SYT7: variants seen among roughly 807,000 people sequenced by gnomAD.
The protein encoded by SYT7 is synaptotagmin-7.
Under a neutral mutation model 75.1 loss-of-function variants are expected in SYT7, and 29 were observed. That is an observed-to-expected ratio of 0.39 (90% CI 0.29 to 0.53). The LOEUF (loss-of-function observed/expected upper bound fraction) is 0.53. Among genes scored for constraint, SYT7 ranks in the 20% least tolerant of loss-of-function variants. The pLI, the probability that SYT7 is intolerant of heterozygous loss-of-function variation, is 0.77. For synonymous variants in SYT7, 376 were observed against 401.7 expected (o/e 0.94, Z 0.76); for missense variants, 693 against 953.2 (o/e 0.73, Z 3.59).
At position 61,571,440 on chromosome 11, in the gene SYT7, C is replaced by T. The variant is rs1033443634; in HGVS notation, c.31+9350G>A. ...ACACACACACATATACACGTGTTCC[C>T]GTCTCTGAGCAGTGGTTGACTTGTG... On this transcript the variant is annotated intron_variant, in intron 1 of 12. Coordinates refer to ENST00000539008, the MANE Select transcript of SYT7 (RefSeq NM_001365809.2). Among the ~76,000 whole-genome samples the T allele has an allele frequency of 4.6e-5, 7 of 152,348 alleles. No homozygotes were observed. In the South Asian group the frequency reaches 8.3e-4, roughly 18 times the overall value.
At chr11:61,543,910 C>A (rs1428156074) in intron 5 of SYT7, among the ~76,000 whole-genome samples, 4 of 152,208 alleles carry the variant, frequency 2.6e-5, no homozygotes, top group Admixed American at 2.6e-4. Context: ...GGGTTCCAAT[C>A]TTCTCCTCCT....
chr11:61,529,752 A>T (rs973378006), intron 8 of SYT7, among the ~76,000 whole-genome samples: 1 of 152,180 alleles, frequency 6.6e-6, no homozygotes, highest in Admixed American at 6.5e-5. Flanking sequence ...TTCATGCCTC[A>T]GCCTCCTGAG....
chr11:61,524,017 C>T lies in SYT7; in HGVS notation c.1642-76G>A, dbSNP rs1565164680. 1 of 1,323,964 alleles carries T rather than the reference C, an allele frequency of 7.6e-7. No homozygotes were observed. Among genetic ancestry groups the T allele is most frequent in the East Asian group, 2.3e-5 (1 of 43,474 alleles). 82.0% of individuals were successfully genotyped at this position (1,323,964 alleles called of 1,614,324 possible). Reference sequence around the variant, plus strand: ...TGATTGGCCTAGCTGCCCCCAGGTCCCCTCTACCCTGACCTTGGTGCTTAC... The same window carrying T: ...TGATTGGCCTAGCTGCCCCCAGGTCTCCTCTACCCTGACCTTGGTGCTTAC... On this transcript the variant is annotated intron_variant, in intron 10 of 12. Coordinates refer to ENST00000539008, the MANE Select transcript of SYT7 (RefSeq NM_001365809.2). The surrounding 1 kb of genome is among the most constrained non-coding windows in gnomAD (Gnocchi z 4.1).
intron 3 of SYT7, among the ~76,000 whole-genome samples, chr11:61,550,687 G>A (rs549874616): frequency 7.2e-5 from 11 of 152,148 alleles, no homozygotes; most frequent in Non-Finnish European, 1.5e-4. Context: ...CAGGTGGCCT[G>A]AGTCCCCCGC....
At position 61,542,746 on chromosome 11, in the gene SYT7, C is replaced by T. The variant is rs1353926156; in HGVS notation, c.573-167G>A. Among the ~76,000 whole-genome samples, 1 of 152,202 alleles carries T rather than the reference C, an allele frequency of 6.6e-6. No individual in the cohort carries two copies. The highest frequency in any genetic ancestry group is 1.5e-5 in the Non-Finnish European group (1 of 68,016). The stretch of plus-strand genomic sequence containing the variant: ...GTCGCCACCGCCGTCGCCGCCACTG[C>T]CTCGCCCAGGAGGCTGCAAAGCCCT... On this transcript the variant is annotated intron_variant, in intron 5 of 12. Coordinates refer to ENST00000539008, the MANE Select transcript of SYT7 (RefSeq NM_001365809.2). This position sits in a 1 kb window ranked among gnomAD's most constrained non-coding sequence, Gnocchi z 7.8.
intron 5 of SYT7, 33 bp downstream of exon 5, chr11:61,545,998 T>C (rs1410033237): frequency 2.0e-6 from 3 of 1,520,294 alleles, no homozygotes; most frequent in African/African-American, 1.4e-5. Context: ...CCTGAGCTCA[T>C]GGCTCCGGCA....
At chr11:61,559,252 C>T (rs2063578362) in intron 1 of SYT7, among the ~76,000 whole-genome samples, 1 of 152,124 alleles carries the variant, frequency 6.6e-6, no homozygotes, top group Non-Finnish European at 1.5e-5. Context: ...CTGGGAAGGC[C>T]ACCCTGAGGA....
Position 61,517,586 on chromosome 11 carries a change from A to T in SYT7, c.*1041T>A. 2.5e-6 allele frequency: 1 copy of T among 399,638 alleles called. No individual in the cohort carries two copies. The highest frequency in any genetic ancestry group is 4.4e-6 in the Non-Finnish European group (1 of 226,708). 24.8% of individuals were successfully genotyped at this position (399,638 alleles called of 1,614,324 possible). A position where few individuals can be genotyped will look rare whatever the true frequency, so the allele number is the denominator to read the frequency against. ...CAGGGAGAGATGAGGAAGGGCAGGC[A>T]AGCTGGAAAGCATGGAGAATAGGGC... On this transcript the variant is annotated 3_prime_UTR_variant, in exon 13 of 13. Transcript: ENST00000539008.
chr11:61,572,653 G>A (rs923481545), intron 1 of SYT7, among the ~76,000 whole-genome samples: 7 of 152,192 alleles, frequency 4.6e-5, no homozygotes, highest in Admixed American at 4.6e-4. Context: ...GAACAAGGTG[G>A]TCTGTGGACC....
rs2063058851 is a variant in SYT7 at position 61,542,114 on chromosome 11, C to T, written c.941+97G>A. On this transcript the variant is annotated intron_variant, in intron 6 of 12. Coordinates refer to ENST00000539008, the MANE Select transcript of SYT7 (RefSeq NM_001365809.2). This position sits in a 1 kb window ranked among gnomAD's most constrained non-coding sequence, Gnocchi z 7.8. The stretch of plus-strand genomic sequence containing the variant: ...GCACCCTGCCAAGGGGATGGAGGGC[C>T]GGGAGGTACACACAACCAGCTGCTC... The T allele has an allele frequency of 3.5e-6, 5 of 1,432,134 alleles. No individual in the cohort carries two copies. The highest frequency in any genetic ancestry group is 2.8e-5 in the South Asian group (2 of 70,354). The allele number at this position is 1,432,134 out of a possible 1,614,324, so 88.7% of individuals were successfully genotyped here. A position where few individuals can be genotyped will look rare whatever the true frequency, so the allele number is the denominator to read the frequency against.
At chr11:61,549,065 T>C (rs1460072828) in intron 3 of SYT7, among the ~76,000 whole-genome samples, 2 of 152,234 alleles carry the variant, frequency 1.3e-5, no homozygotes, top group Admixed American at 6.5e-5. Context: ...CACGAGGGTA[T>C]GGATGGGGCC....
Position 61,580,660 on chromosome 11 carries a change from G to T in SYT7, c.31+130C>A. The T allele has an allele frequency of 1.9e-6, 1 of 539,974 alleles. No homozygotes were observed. The highest frequency in any genetic ancestry group is 8.9e-5 in the South Asian group (1 of 11,194). The allele number at this position is 539,974 out of a possible 1,614,324, so 33.4% of individuals were successfully genotyped here. A position where few individuals can be genotyped will look rare whatever the true frequency, so the allele number is the denominator to read the frequency against. On this transcript the variant is annotated intron_variant, in intron 1 of 12. Coordinates refer to ENST00000539008, the MANE Select transcript of SYT7 (RefSeq NM_001365809.2). This position sits in a 1 kb window ranked among gnomAD's most constrained non-coding sequence, Gnocchi z 6.1. ...GATCCCGCGCCCCCGGGGCTGGGAT[G>T]ACCCCTGGGGGAGCCCGTGCGGCTC... is the stretch of plus-strand genomic sequence containing the variant.
intron 12 of SYT7, among the ~76,000 whole-genome samples, chr11:61,522,380 G>A (rs1371560893): frequency 6.6e-6 from 1 of 151,662 alleles, no homozygotes; most frequent in East Asian, 1.9e-4. Context: ...AGTAGAGACG[G>A]GGTTTCACCA....
At chr11:61,538,358 A>AGG in intron 6 of SYT7, 92 bp from the exon 7 acceptor site, 2 of 743,104 alleles carry the variant, frequency 2.7e-6, no homozygotes, top group Non-Finnish European at 4.1e-6. Flanking sequence ...AGAGAGAGAG[A>AGG]GAGAGAGAGA....
At position 61,555,540 on chromosome 11, in the gene SYT7, G is replaced by A. The variant is rs551493969; in HGVS notation, c.135+564C>T. On this transcript the variant is annotated intron_variant, in intron 2 of 12. Coordinates refer to ENST00000539008, the MANE Select transcript of SYT7 (RefSeq NM_001365809.2). ...ACTTATTGATGGACTAATCCTGCTC[G>A]TTAATTCCCCAGCCCTCGTTAAAAA... is the stretch of plus-strand genomic sequence containing the variant. 9.8e-5 allele frequency among the ~76,000 whole-genome samples: 15 copies of A among 152,306 alleles called. No individual in the cohort carries two copies. In the South Asian group the frequency reaches 2.9e-3, roughly 29 times the overall value.
Position 61,514,858 on chromosome 11 carries a change from C to T in SYT7, c.*3769G>A, listed in dbSNP as rs1204553293. Reference sequence around the variant, plus strand: ...AGCTCATTGTCTTTCCTTTTCCCACCTCAGGGACCAGGAAGGAGGCGCTGG... The same window carrying T: ...AGCTCATTGTCTTTCCTTTTCCCACTTCAGGGACCAGGAAGGAGGCGCTGG... On this transcript the variant is annotated 3_prime_UTR_variant, in exon 13 of 13. Coordinates refer to ENST00000539008, the MANE Select transcript of SYT7 (RefSeq NM_001365809.2). Among the ~76,000 whole-genome samples the T allele has an allele frequency of 1.3e-5, 2 of 152,222 alleles. No individual in the cohort carries two copies. The highest frequency in any genetic ancestry group is 2.9e-5 in the Non-Finnish European group (2 of 68,034).
chr11:61,556,704 T>C (rs2063509951), intron 1 of SYT7, among the ~76,000 whole-genome samples: 1 of 152,258 alleles, frequency 6.6e-6, no homozygotes, highest in African/African-American at 2.4e-5. Context: ...TGACAGCCCC[T>C]CTGAGGACAT....
rs529589606 is a variant in SYT7, at chr11:61,545,174, G to C, written c.572+857C>G. 4.7e-4 allele frequency among the ~76,000 whole-genome samples: 71 copies of C among 152,352 alleles called. 1 individual carries two copies. Among genetic ancestry groups the C allele is most frequent in the Middle Eastern group, 3.4e-3 (1 of 294 alleles). ...ATGAGAATAAAGCTGCCCCATGAGA[G>C]GGGATATACTGTCTGTGGAAAACAG... is the stretch of plus-strand genomic sequence containing the variant. On this transcript the variant is annotated intron_variant, in intron 5 of 12. Transcript: ENST00000539008.
upstream of SYT7, among the ~76,000 whole-genome samples, chr11:61,585,235 C>T (rs1249534896): frequency 2.0e-5 from 3 of 152,192 alleles, no homozygotes; most frequent in Non-Finnish European, 2.9e-5. Context: ...TTGCTGTCTC[C>T]CCACAGTCCT....
Sources: gnomAD v4.1 joint callset for allele counts (sites outside exome capture counted in the v4.1 genomes callset) on GRCh38, gnomAD v4.1.1 for gene constraint, Gnocchi (gnomAD v3.1) non-coding constraint, MANE v1.5 for transcripts, NCBI Gene and HGNC (gene_info 2026-07-23, HGNC 2026-07-21) for gene names.